Variants in ZSCAN12 observed in about 807,000 individuals in gnomAD.
ZSCAN12 encodes zinc finger and SCAN domain-containing protein 12.
A neutral mutation model predicts 23.4 loss-of-function variants in ZSCAN12; 18 were observed. That is an observed-to-expected ratio of 0.77 (90% CI 0.53 to 1.14). The LOEUF (loss-of-function observed/expected upper bound fraction) is 1.14, where lower values mean the gene tolerates loss of function less well. Ranked by LOEUF, ZSCAN12 falls within the 50% of genes most tolerant of loss-of-function variation. The pLI, the probability that ZSCAN12 is intolerant of heterozygous loss-of-function variation, is 0.00. For synonymous variants in ZSCAN12, 186 were observed against 253.4 expected (o/e 0.73, Z 2.53); for missense variants, 650 against 735.0 (o/e 0.88, Z 1.34).
At position 28,393,020 on chromosome 6, in the gene ZSCAN12, T is replaced by A; in HGVS notation, c.429A>T (p.Glu143Asp). The A allele has an allele frequency of 3.9e-6, 6 of 1,551,804 alleles. No individual in the cohort carries two copies. Among genetic ancestry groups the A allele is most frequent in the Non-Finnish European group, 5.2e-6 (6 of 1,146,996 alleles). ...EQVSVHTGEQ[E>D]MFLQETVRLR... Reference sequence around the variant, plus strand: ...GACGTACCGTCTCCTGCAAGAACATTTCCTGTTCCCCAGTGTGGACTGAGA... The same window carrying A: ...GACGTACCGTCTCCTGCAAGAACATATCCTGTTCCCCAGTGTGGACTGAGA... The change falls in exon 3 of 4, where the codon GAA becomes GAT. Residue 143 changes from glutamate to aspartate, a missense_variant. Coordinates refer to ENST00000684592, the MANE Select transcript of ZSCAN12 (RefSeq NM_001163391.2).
chr6:28,381,677 G>A (rs1005395888), downstream of ZSCAN12: 3 of 152,138 alleles, frequency 2.0e-5, no homozygotes, highest in Non-Finnish European at 4.4e-5. Context: ...TTTCTCTCCA[G>A]AGATGCTCTC....
downstream of ZSCAN12, among the ~76,000 whole-genome samples, chr6:28,384,470 T>C (rs1448700740): frequency 6.6e-6 from 1 of 152,128 alleles, no homozygotes; most frequent in Non-Finnish European, 1.5e-5. Flanking sequence ...TGAACTATGA[T>C]AGGTGAAAGC....
chr6:28,385,211 C>A lies in ZSCAN12; in HGVS notation c.*5243G>T, dbSNP rs1760481587. 6.6e-6 allele frequency among the ~76,000 whole-genome samples: 1 copy of A among 152,144 alleles called. No homozygotes were observed. The highest frequency in any genetic ancestry group is 2.4e-5 in the African/African-American group (1 of 41,432). On this transcript the variant is annotated 3_prime_UTR_variant, in exon 4 of 4. Coordinates refer to ENST00000684592, the MANE Select transcript of ZSCAN12 (RefSeq NM_001163391.2). ...TTAAATCTTTCTGTATTAAATTAGA[C>A]AGCCAAATATTCCTTATTCTGTGAG...
chr6:28,390,647 G>A lies in ZSCAN12; in HGVS notation c.1643C>T (p.Thr548Ile), dbSNP rs746949450. 13 of 1,613,384 alleles carry A rather than the reference G, an allele frequency of 8.1e-6. No homozygotes were observed. The highest frequency in any genetic ancestry group is 8.5e-6 in the Non-Finnish European group (10 of 1,179,742). ...ATCACATTGGTAGGGCTTCTCCCCAGTGTGGATTCTCTGATGCTGAATGAG... is the reference window on the plus strand; with the variant it reads ...ATCACATTGGTAGGGCTTCTCCCCAATGTGGATTCTCTGATGCTGAATGAG... ...TSLIQHQRIH[T>I]GEKPYQCDEC... is the part of the protein sequence containing the mutation. The change falls in exon 4 of 4, where the codon ACT becomes ATT. Residue 548 changes from threonine (T) to isoleucine (I), a missense_variant. Transcript: ENST00000684592.
chr6:28,382,702 ACGGAACT>A, downstream of ZSCAN12: 1 of 1,455,490 alleles, frequency 6.9e-7, no homozygotes, highest in Non-Finnish European at 9.0e-7. Context: ...CTGAAAGAAA[ACGGAACT>A]CTGTCAGGAA....
rs538120898 is a variant in ZSCAN12 at position 28,390,873 on chromosome 6, C to T, written c.1417G>A (p.Val473Ile). 28 of 1,575,312 alleles carry T rather than the reference C, an allele frequency of 1.8e-5. No homozygotes were observed. Among genetic ancestry groups the T allele is most frequent in the Non-Finnish European group, 2.2e-5 (26 of 1,159,940 alleles). Reference protein sequence around the residue: ...HTGEKPYKCDVCEKAFIQRTS... With the variant: ...HTGEKPYKCDICEKAFIQRTS... ...CTTTGAATAAAGGCTTTTTCACATA[C>T]GTCACATTTGTAGGGTTTTTCCCCA... The change falls in exon 4 of 4, where the codon GTA becomes ATA. Residue 473 changes from valine (V) to isoleucine (I), a missense_variant. Val to Ile is a conservative substitution (Grantham distance 29, BLOSUM62 3). Transcript: ENST00000684592.
downstream of ZSCAN12, chr6:28,380,374 TTCA>T (rs2113951135): frequency 6.6e-6 from 1 of 152,348 alleles, no homozygotes; most frequent in African/African-American, 2.4e-5. Context: ...CATCTCCACA[TTCA>T]TCATGTTTAT....
At chr6:28,395,296 C>T (rs983852220) in intron 2 of ZSCAN12, among the ~76,000 whole-genome samples, 1 of 152,016 alleles carries the variant, frequency 6.6e-6, no homozygotes, top group African/African-American at 2.4e-5. Flanking sequence ...CAGTCTTTAC[C>T]ATCTCTATGA....
At chr6:28,378,983 T>C (rs905735123) in exon 5 of ZSCAN12, 1 of 152,156 alleles carries the variant, frequency 6.6e-6, no homozygotes, top group Admixed American at 6.5e-5. Context: ...AATTTATTAA[T>C]AATACCTATG....
At chr6:28,383,518 G>A (rs1346234121), downstream of ZSCAN12, among the ~76,000 whole-genome samples, 1 of 152,146 alleles carries the variant, frequency 6.6e-6, no homozygotes, top group Non-Finnish European at 1.5e-5. Context: ...CCCCAGCTGA[G>A]CAGCGCAAGT....
chr6:28,382,170 T>G, downstream of ZSCAN12: 1 of 206,066 alleles, frequency 4.9e-6, no homozygotes, highest in Non-Finnish European at 9.6e-6. Flanking sequence ...CGTCTCCACA[T>G]TCTGGATGAT....
intron 1 of ZSCAN12, 70 bp downstream of exon 1, chr6:28,399,587 G>C (rs1478885171): frequency 6.6e-6 from 1 of 152,438 alleles, no homozygotes; most frequent in Non-Finnish European, 1.5e-5. Flanking sequence ...GGGCCTGAGG[G>C]GCCCAGCAGC....
chr6:28,390,533 C>T lies in ZSCAN12; in HGVS notation c.1757G>A (p.Cys586Tyr). 6.4e-7 allele frequency: 1 copy of T among 1,559,958 alleles called. No individual in the cohort carries two copies. ...NRRGTYVCKE[C>Y]GKSFRQNSAL... is the part of the protein sequence containing the mutation. Reference sequence around the variant, plus strand: ...TGAGTTCTGCCTGAATGATTTCCCACACTCTTTACATACATAGGTACCACG... The same window carrying T: ...TGAGTTCTGCCTGAATGATTTCCCATACTCTTTACATACATAGGTACCACG... Residue 586 changes from cysteine (C) to tyrosine (Y), a missense_variant, in exon 4 of 4, where the codon TGT (cysteine) becomes TAT (tyrosine). Cys to Tyr is a radical substitution (Grantham distance 194). Coordinates refer to ENST00000684592, the MANE Select transcript of ZSCAN12 (RefSeq NM_001163391.2).
chr6:28,380,887 C>T, downstream of ZSCAN12: 1 of 153,676 alleles, frequency 6.5e-6, no homozygotes, highest in Non-Finnish European at 1.5e-5. Flanking sequence ...ACAAAATGCA[C>T]AGACAATTCA....
In ZSCAN12 at chr6:28,391,548, A is replaced by C; in HGVS notation, c.742T>G (p.Cys248Gly). The C allele has an allele frequency of 6.4e-7, 1 of 1,552,214 alleles. No individual in the cohort carries two copies. Among genetic ancestry groups the C allele is most frequent in the Non-Finnish European group, 8.7e-7 (1 of 1,147,102 alleles). The part of the protein sequence containing the change: ...ACSREDKQPT[C>G]DENGVSLTEN... ...GTCAGGCTTACTCCATTTTCATCACAGGTAGGTTGTTTATCTTCTCTGGAG... is the reference window on the plus strand; with the variant it reads ...GTCAGGCTTACTCCATTTTCATCACCGGTAGGTTGTTTATCTTCTCTGGAG... The change falls in exon 4 of 4, where the codon TGT becomes GGT. Residue 248 changes from cysteine (C) to glycine (G), a missense_variant. Physicochemically the swap from Cys to Gly is radical, Grantham distance 159. Transcript: ENST00000684592. The surrounding 1 kb of genome is among the most constrained non-coding windows in gnomAD (Gnocchi z 4.1).
downstream of ZSCAN12, chr6:28,382,297 G>A (rs1339524779): frequency 5.2e-6 from 4 of 763,528 alleles, no homozygotes; most frequent in Non-Finnish European, 7.5e-6. Flanking sequence ...TAAGTCTTCT[G>A]ACAGCTCTGT....
chr6:28,380,553 A>AT (rs1444271725), downstream of ZSCAN12: 2 of 153,744 alleles, frequency 1.3e-5, no homozygotes, highest in Non-Finnish European at 1.5e-5. Flanking sequence ...AAATAAGGCC[A>AT]TGTGGCTGAA....
Position 28,398,328 on chromosome 6 carries a change from A to G in ZSCAN12, c.78T>C (p.Tyr26=), listed in dbSNP as rs2114003313. ...GCAGGTCCCAATCCTGTCTGGTGGT[A>G]TATTTCTCTTCCTCTATCTTTACTT... is the stretch of plus-strand genomic sequence containing the variant. ...PLEVKIEEEK[Y]TTRQDWDLRK... is the part of the protein sequence containing the mutation. Residue 26 remains tyrosine, a synonymous_variant, in exon 2 of 4, where the codon TAT becomes TAC. Transcript: ENST00000684592. 1 of 1,559,536 alleles carries G rather than the reference A, an allele frequency of 6.4e-7. No homozygotes were observed. Among genetic ancestry groups the G allele is most frequent in the Non-Finnish European group, 8.7e-7 (1 of 1,151,336 alleles).
downstream of ZSCAN12, chr6:28,382,581 G>A (rs1760311767): frequency 6.5e-7 from 1 of 1,545,282 alleles, no homozygotes; most frequent in Non-Finnish European, 8.8e-7. Flanking sequence ...TGATTTTTCA[G>A]AAGTATTTCC....
Sources: gnomAD v4.1 joint callset for allele counts (sites outside exome capture counted in the v4.1 genomes callset) on GRCh38, gnomAD v4.1.1 for gene constraint, Gnocchi (gnomAD v3.1) non-coding constraint, MANE v1.5 for transcripts, NCBI Gene and HGNC (gene_info 2026-07-23, HGNC 2026-07-21) for gene names.